The following CADM1 variants were observed in gnomAD, a reference collection of about 807,000 sequenced individuals.
The protein encoded by CADM1 is cell adhesion molecule 1.
A neutral mutation model predicts 53.1 loss-of-function variants in CADM1; 15 were observed. The ratio of observed to expected loss-of-function variants is 0.28; its 90% CI spans 0.19 to 0.44. The LOEUF (loss-of-function observed/expected upper bound fraction) is 0.44, where lower values mean the gene tolerates loss of function less well. Among genes scored for constraint, CADM1 ranks in the 20% least tolerant of loss-of-function variants. The pLI is 1.00. For synonymous variants in CADM1, 281 were observed against 243.0 expected, an observed-to-expected ratio of 1.16 and a Z score of -1.45; for missense variants, 434 against 611.3, an observed-to-expected ratio of 0.71 and a Z score of 3.06.
At chr11:115,245,604 A>G (rs1205622062) in intron 1 of CADM1, among the ~76,000 whole-genome samples, 1 of 152,204 alleles carries the variant, frequency 6.6e-6, no homozygotes, top group Non-Finnish European at 1.5e-5. Flanking sequence ...AAATAAAACC[A>G]TCACTAGTAG....
intron 10 of CADM1, among the ~76,000 whole-genome samples, chr11:115,186,189 A>T (rs1278795044): frequency 6.6e-6 from 1 of 152,114 alleles, no homozygotes; most frequent in East Asian, 1.9e-4. Flanking sequence ...AAGGGAATTG[A>T]TGTGGTTTAA....
intron 1 of CADM1, among the ~76,000 whole-genome samples, chr11:115,460,810 A>AT (rs1416232885): frequency 6.6e-6 from 1 of 152,048 alleles, no homozygotes; most frequent in Non-Finnish European, 1.5e-5. Flanking sequence ...GGAAGCACTT[A>AT]TATCAACTGG....
Position 115,175,162 on chromosome 11 carries a change from A to G in CADM1, c.*1312T>C. On this transcript the variant is annotated 3_prime_UTR_variant, in exon 12 of 12. Coordinates refer to ENST00000331581, the MANE Select transcript of CADM1 (RefSeq NM_001301043.2). ...GAAAATCCGTACATGCTGTTTTTCC[A>G]CCTCTGCTCTGACCTATCGAGAACT... 1.0e-6 allele frequency: 1 copy of G among 985,782 alleles called. No individual in the cohort carries two copies. The highest frequency in any genetic ancestry group is 1.2e-6 in the Non-Finnish European group (1 of 829,898). The allele number at this position is 985,782 out of a possible 1,614,324, so 61.1% of individuals were successfully genotyped here. A position where few individuals can be genotyped will look rare whatever the true frequency, so the allele number is the denominator to read the frequency against.
chr11:115,282,963 T>C (rs925634337), intron 1 of CADM1, among the ~76,000 whole-genome samples: 1 of 152,096 alleles, frequency 6.6e-6, no homozygotes, highest in Non-Finnish European at 1.5e-5. Flanking sequence ...CCAAGGCAAA[T>C]GGCCCCATGA....
chr11:115,402,243 G>A (rs1947176831), intron 1 of CADM1, among the ~76,000 whole-genome samples: 1 of 152,148 alleles, frequency 6.6e-6, no homozygotes, highest in Non-Finnish European at 1.5e-5. Context: ...AGCTCCTAAG[G>A]TCCAGGTACG....
At chr11:115,379,181 C>G (rs1259361852) in intron 1 of CADM1, among the ~76,000 whole-genome samples, 8 of 152,132 alleles carry the variant, frequency 5.3e-5, no homozygotes, top group Admixed American at 2.0e-4. Flanking sequence ...TTAGCCAGGT[C>G]TTATTTGATT....
rs533851527 is a variant in CADM1 at position 115,447,693 on chromosome 11, C to T, written c.124+56578G>A. On this transcript the variant is annotated intron_variant, in intron 1 of 11. Transcript: ENST00000331581. Reference sequence around the variant, plus strand: ...GCAGAGCAGAGCAGCCAGGAGCAAACGGTGGCTGGTAGCTTTGCTGGCACC... The same window carrying T: ...GCAGAGCAGAGCAGCCAGGAGCAAATGGTGGCTGGTAGCTTTGCTGGCACC... Among the ~76,000 whole-genome samples the T allele has an allele frequency of 1.2e-3, 177 of 152,240 alleles. 6 individuals are homozygous for T. Among genetic ancestry groups the T allele is most frequent in the South Asian group, 2.1e-3 (10 of 4,820 alleles).
chr11:115,453,622 C>A (rs1948623183), intron 1 of CADM1, among the ~76,000 whole-genome samples: 2 of 152,136 alleles, frequency 1.3e-5, no homozygotes, highest in Non-Finnish European at 2.9e-5. Flanking sequence ...CCTCGGCCTC[C>A]AGAGTAGCTG....
intron 1 of CADM1, among the ~76,000 whole-genome samples, chr11:115,345,979 T>A (rs182336210): frequency 9.8e-5 from 15 of 152,342 alleles, no homozygotes; most frequent in Admixed American, 8.5e-4. Context: ...TGTCTTTTCT[T>A]TGTATCCTCA....
At chr11:115,330,565 G>A (rs1458496568) in intron 1 of CADM1, among the ~76,000 whole-genome samples, 1 of 152,124 alleles carries the variant, frequency 6.6e-6, no homozygotes, top group East Asian at 1.9e-4. Flanking sequence ...TGAGTTTGAT[G>A]CGTGTCTTCA....
chr11:115,223,973 A>AAAAGAG lies in CADM1; in HGVS notation c.721+5139_721+5140insCTCTTT, dbSNP rs59495248. ...GTATTCCGTTTAAAAAAAAAAAAAA[A>AAAAGAG]AGAGAGAGAGAGAGAGAGAGAGACT... On this transcript the variant is annotated intron_variant, in intron 5 of 11. Coordinates refer to ENST00000331581, the MANE Select transcript of CADM1 (RefSeq NM_001301043.2). Among the ~76,000 whole-genome samples, 226 of 92,480 alleles carry AAAAGAG rather than the reference A, an allele frequency of 2.4e-3. 2 individuals carry two copies. The highest frequency in any genetic ancestry group is 3.6e-3 in the Non-Finnish European group (173 of 48,450). The allele number at this position is 92,480 out of a possible 152,430, so 60.7% of individuals were successfully genotyped here. A position where few individuals can be genotyped will look rare whatever the true frequency, so the allele number is the denominator to read the frequency against.
chr11:115,281,741 C>T (rs927190778), intron 1 of CADM1, among the ~76,000 whole-genome samples: 1 of 152,106 alleles, frequency 6.6e-6, no homozygotes, highest in East Asian at 1.9e-4. Flanking sequence ...CTGTCTATAA[C>T]TACAGCAGTT....
rs1215618975 is a variant in CADM1, at chr11:115,171,989, CA to C, written c.*4484del. 1 of 152,256 alleles carries C rather than the reference CA, an allele frequency of 6.6e-6. No individual in the cohort carries two copies. The highest frequency in any genetic ancestry group is 1.5e-5 in the Non-Finnish European group (1 of 68,054). The allele number at this position is 152,256 out of a possible 1,614,324, so 9.4% of individuals were successfully genotyped here. On this transcript the variant is annotated 3_prime_UTR_variant, in exon 12 of 12. Transcript: ENST00000331581. ...CCATTTGCCTCTATCCTGTGACTGA[CA>C]TGTAATGAACAAGTAGTGTGTGTCT...
chr11:115,408,155 A>C (rs2135238252), intron 1 of CADM1, among the ~76,000 whole-genome samples: 1 of 152,232 alleles, frequency 6.6e-6, no homozygotes, highest in Non-Finnish European at 1.5e-5. Flanking sequence ...AAATGTTGGT[A>C]TTGGCAACAG....
chr11:115,353,952 CTG>C (rs1945799740), intron 1 of CADM1, among the ~76,000 whole-genome samples: 1 of 152,166 alleles, frequency 6.6e-6, no homozygotes, highest in African/African-American at 2.4e-5. Flanking sequence ...TACGGCCAGA[CTG>C]TGAACCGAAG....
At position 115,269,410 on chromosome 11, in the gene CADM1, T is replaced by C. The variant is rs528618936; in HGVS notation, c.125-28990A>G. 2.6e-5 allele frequency among the ~76,000 whole-genome samples: 4 copies of C among 152,308 alleles called. No homozygotes were observed. In the East Asian group the frequency reaches 7.7e-4, roughly 29 times the overall value. On this transcript the variant is annotated intron_variant, in intron 1 of 11. Coordinates refer to ENST00000331581, the MANE Select transcript of CADM1 (RefSeq NM_001301043.2). Reference sequence around the variant, plus strand: ...GCAGCACGCTTCGATGCCCTCTTTGTAGGCCCTCCATTTCCGTTATTCAGG... The same window carrying C: ...GCAGCACGCTTCGATGCCCTCTTTGCAGGCCCTCCATTTCCGTTATTCAGG...
At chr11:115,397,521 C>T (rs1947030856) in intron 1 of CADM1, 1 of 152,174 alleles carries the variant, frequency 6.6e-6, no homozygotes, top group African/African-American at 2.4e-5. Flanking sequence ...GAGTGAAGAT[C>T]ACTATCAGTA....
chr11:115,430,307 G>A (rs756313692), intron 1 of CADM1, among the ~76,000 whole-genome samples: 6 of 152,202 alleles, frequency 3.9e-5, no homozygotes, highest in Non-Finnish European at 7.3e-5. Context: ...AACGCTGGGC[G>A]TTTAGAGATC....
intron 10 of CADM1, among the ~76,000 whole-genome samples, chr11:115,185,466 G>A (rs978508633): frequency 6.6e-5 from 10 of 152,156 alleles, no homozygotes; most frequent in African/African-American, 2.2e-4. Flanking sequence ...GTTTCGATTC[G>A]GGTGTACCAT....
Sources: allele counts gnomAD v4.1 joint callset (sites outside exome capture counted in the v4.1 genomes callset), GRCh38; gene constraint gnomAD v4.1.1; transcripts MANE v1.5; gene names NCBI Gene and HGNC (gene_info 2026-07-23, HGNC 2026-07-21).